CDK13: variants seen among roughly 807,000 people sequenced by gnomAD.
CDK13 encodes cyclin dependent kinase 13.
Under a neutral mutation model 137.6 loss-of-function variants are expected in CDK13, and 40 were observed. That is an observed-to-expected ratio of 0.29 (90% CI 0.23 to 0.38). The LOEUF (loss-of-function observed/expected upper bound fraction) is 0.38, where lower values mean the gene tolerates loss of function less well. Ranked by LOEUF, CDK13 falls within the 10% of genes least tolerant of loss-of-function variation. The probability of loss-of-function intolerance (pLI) is 1.00; values close to 1 mark genes in which losing one functional copy is unlikely to be tolerated. For synonymous variants in CDK13, 869 were observed against 760.1 expected (o/e 1.14, Z -2.36); for missense variants, 1,704 against 1,951.8 (o/e 0.87, Z 2.39).
intron 1 of CDK13, among the ~76,000 whole-genome samples, chr7:39,979,377 C>T (rs557497008): frequency 5.9e-5 from 9 of 151,958 alleles, no homozygotes; most frequent in East Asian, 1.9e-4. Context: ...CCACCACACC[C>T]GTCTGATTTT....
chr7:40,088,626 C>T (rs897998692), intron 12 of CDK13, among the ~76,000 whole-genome samples: 11 of 152,164 alleles, frequency 7.2e-5, no homozygotes, highest in Non-Finnish European at 1.5e-4. Context: ...ACTGACACTA[C>T]TCTCAGTGAG....
chr7:40,069,709 ATT>A (rs1786368209), intron 9 of CDK13: 3 of 153,488 alleles, frequency 2.0e-5, no homozygotes, highest in Non-Finnish European at 1.5e-5. Flanking sequence ...GAGTTATTTT[ATT>A]TATAATTTGC....
At chr7:40,056,967 A>G (rs544328734) in intron 7 of CDK13, among the ~76,000 whole-genome samples, 3 of 152,326 alleles carry the variant, frequency 2.0e-5, no homozygotes, top group South Asian at 4.1e-4. Context: ...AATAATCTTG[A>G]GTGGTGGCTG....
At position 40,098,143 on chromosome 7, in the gene CDK13, A is replaced by G. The variant is rs144574357; in HGVS notation, c.*3163A>G. On this transcript the variant is annotated 3_prime_UTR_variant, in exon 14 of 14. Transcript: ENST00000181839. ...TGGATAGAGATGGTTATGGAGAGAA[A>G]TCAAACAACTGGAATAGCTGTTTGA... The G allele has an allele frequency of 5.7e-4, 86 of 152,160 alleles. 1 individual carries two copies. Among genetic ancestry groups the G allele is most frequent in the African/African-American group, 2.0e-3 (82 of 41,564 alleles). The allele number at this position is 152,160 out of a possible 1,614,324, so 9.4% of individuals were successfully genotyped here. A position where few individuals can be genotyped will look rare whatever the true frequency, so the allele number is the denominator to read the frequency against.
intron 5 of CDK13, among the ~76,000 whole-genome samples, chr7:40,025,566 T>A (rs1785226134): frequency 6.6e-6 from 1 of 152,202 alleles, no homozygotes; most frequent in Non-Finnish European, 1.5e-5. Flanking sequence ...ATTTCTAGAA[T>A]TGGTAATTAA....
intron 5 of CDK13, among the ~76,000 whole-genome samples, chr7:40,035,767 C>T (rs1584020095): frequency 6.6e-6 from 1 of 151,322 alleles, no homozygotes; most frequent in East Asian, 2.0e-4. Context: ...CAAAACCATC[C>T]CTCCACCCAC....
At chr7:40,090,917 G>T (rs1318052349) in intron 12 of CDK13, among the ~76,000 whole-genome samples, 2 of 150,194 alleles carry the variant, frequency 1.3e-5, no homozygotes, top group Non-Finnish European at 3.0e-5. Flanking sequence ...TGATTAAGAA[G>T]TGAGAATTCC....
Position 40,092,957 on chromosome 7 carries a change from G to GGCA in CDK13, c.3409_3411dup (p.Ala1137dup), listed in dbSNP as rs748614578. 6.2e-7 allele frequency: 1 copy of GGCA among 1,614,148 alleles called. No homozygotes were observed. The highest frequency in any genetic ancestry group is 2.2e-5 in the East Asian group (1 of 44,882). ...AAATAAACCTTCCTGCTGGAATTTT[G>GGCA]GCAACAGGTGAAAAACAGACAGATC... On this transcript the variant is annotated inframe_insertion, in exon 13 of 14. Coordinates refer to ENST00000181839, the MANE Select transcript of CDK13 (RefSeq NM_003718.5).
At chr7:39,987,309 T>G (rs1427892512) in intron 1 of CDK13, among the ~76,000 whole-genome samples, 1 of 152,196 alleles carries the variant, frequency 6.6e-6, no homozygotes, top group East Asian at 1.9e-4. Flanking sequence ...TGTAGCCTTA[T>G]TGCCTACTTC....
intron 11 of CDK13, among the ~76,000 whole-genome samples, chr7:40,083,405 C>A (rs1168078540): frequency 6.6e-6 from 1 of 151,826 alleles, no homozygotes; most frequent in Non-Finnish European, 1.5e-5. Flanking sequence ...CTTACCAATG[C>A]TTATGAAATG....
intron 7 of CDK13, among the ~76,000 whole-genome samples, chr7:40,058,585 G>C (rs1786072971): frequency 7.2e-6 from 1 of 138,700 alleles, no homozygotes; most frequent in South Asian, 2.7e-4. Flanking sequence ...CGGGCGGGGG[G>C]GTGCAATTAG....
chr7:40,078,721 A>G lies in CDK13; in HGVS notation c.2899A>G (p.Ile967Val). The G allele has an allele frequency of 6.7e-7, 1 of 1,489,942 alleles. No homozygotes were observed. Among genetic ancestry groups the G allele is most frequent in the Non-Finnish European group, 9.0e-7 (1 of 1,115,644 alleles). 92.3% of individuals were successfully genotyped at this position (1,489,942 alleles called of 1,614,324 possible). Residue 967 changes from isoleucine to valine, a missense_variant and splice_region_variant, in exon 11 of 14, where the codon ATT becomes GTT. Ile to Val is a conservative substitution (Grantham distance 29). This residue lies in a region of CDK13 where 45 missense variants were observed against 57.0 expected (regional missense o/e 0.79). Coordinates refer to ENST00000181839, the MANE Select transcript of CDK13 (RefSeq NM_003718.5). ...ACTTTTGTAATCCTCTCATGCTAGT[A>G]TTCCTGCAGCTGCGCTAGACTTATT... ...RRKLREEFVF[I>V]PAAALDLFDY... is the part of the protein sequence containing the mutation.
chr7:40,025,293 C>A (rs1785220848), intron 5 of CDK13, among the ~76,000 whole-genome samples: 1 of 152,108 alleles, frequency 6.6e-6, no homozygotes, highest in Non-Finnish European at 1.5e-5. Context: ...TTTCCAGCCT[C>A]CTGATGTGAA....
chr7:39,999,717 T>A (rs1177661319), intron 4 of CDK13, among the ~76,000 whole-genome samples: 1 of 152,262 alleles, frequency 6.6e-6, no homozygotes, highest in Non-Finnish European at 1.5e-5. Flanking sequence ...AGTGTTCCTT[T>A]AGTATTTGTG....
chr7:39,961,683 C>G (rs921745545), intron 1 of CDK13, among the ~76,000 whole-genome samples: 1 of 150,896 alleles, frequency 6.6e-6, no homozygotes. Context: ...ATGTGCACAA[C>G]GTGCAGGTTA....
chr7:40,041,438 C>A (rs1370561846), intron 5 of CDK13, among the ~76,000 whole-genome samples: 1 of 152,114 alleles, frequency 6.6e-6, no homozygotes, highest in Non-Finnish European at 1.5e-5. Flanking sequence ...TTATTTTGTA[C>A]TGTCTTCAAA....
At chr7:40,092,738 G>A in intron 12 of CDK13, 47 bp from the exon 13 acceptor site, 2 of 1,406,268 alleles carry the variant, frequency 1.4e-6, no homozygotes, top group Non-Finnish European at 2.0e-6. Flanking sequence ...GGGAGTGGGA[G>A]GAGCTGTGAA....
chr7:40,080,648 G>T (rs1238063824), intron 11 of CDK13, among the ~76,000 whole-genome samples: 16 of 151,926 alleles, frequency 1.1e-4, no homozygotes, highest in Non-Finnish European at 1.5e-5. Context: ...CTTAAAACTT[G>T]GGCTCAGTAC....
At position 40,027,274 on chromosome 7, in the gene CDK13, C is replaced by T. The variant is rs539966949; in HGVS notation, c.2354-18562C>T. On this transcript the variant is annotated intron_variant, in intron 5 of 13. Coordinates refer to ENST00000181839, the MANE Select transcript of CDK13 (RefSeq NM_003718.5). ...GCAGGAGAGTCTCGAGCCCAGCAGGCGAAGGTTACAGTAAGCTGAGATTGT... is the reference window on the plus strand; with the variant it reads ...GCAGGAGAGTCTCGAGCCCAGCAGGTGAAGGTTACAGTAAGCTGAGATTGT... 3.9e-5 allele frequency among the ~76,000 whole-genome samples: 6 copies of T among 152,142 alleles called. No individual in the cohort carries two copies. In the East Asian group the frequency reaches 5.8e-4, roughly 15 times the overall value.
Sources: allele counts gnomAD v4.1 joint callset (sites outside exome capture counted in the v4.1 genomes callset), GRCh38; gene constraint gnomAD v4.1.1; regional missense constraint gnomAD v4.1.1; transcripts MANE v1.5; gene names NCBI Gene and HGNC (gene_info 2026-07-23, HGNC 2026-07-21).